Variants in RAD51B observed in about 807,000 individuals in gnomAD.
The protein encoded by RAD51B is DNA repair protein RAD51 homolog 2.
A neutral mutation model predicts 42.2 loss-of-function variants in RAD51B; 38 were observed. The observed-to-expected ratio is 0.90, with a 90% CI of 0.70 to 1.18. The LOEUF is 1.18. RAD51B is among the 50% of genes most tolerant of loss of function. The probability of loss-of-function intolerance (pLI) is 0.00; values close to 1 mark genes in which losing one functional copy is unlikely to be tolerated. For missense variants in RAD51B, 373 were observed against 400.7 expected, an observed-to-expected ratio of 0.93 and a Z score of 0.59; for synonymous variants, 154 against 145.2, an observed-to-expected ratio of 1.06 and a Z score of -0.43.
At chr14:68,084,584 G>A (rs1174517315) in intron 7 of RAD51B, among the ~76,000 whole-genome samples, 1 of 152,170 alleles carries the variant, frequency 6.6e-6, no homozygotes, top group African/African-American at 2.4e-5. Flanking sequence ...TCATCAGTCT[G>A]ATGCACTTCC....
intron 8 of RAD51B, among the ~76,000 whole-genome samples, chr14:68,346,161 T>C (rs1007473234): frequency 6.6e-6 from 1 of 152,246 alleles, no homozygotes; most frequent in African/African-American, 2.4e-5. Flanking sequence ...ATCCCATCTT[T>C]TTCCAAAACA....
At chr14:68,659,420 C>T (rs763696594) in intron 11 of RAD51B, among the ~76,000 whole-genome samples, 12 of 152,114 alleles carry the variant, frequency 7.9e-5, no homozygotes, top group Admixed American at 6.5e-4. Context: ...CATTTACTCT[C>T]GCAGATGTTT....
At chr14:68,235,188 T>G (rs547378181) in intron 7 of RAD51B, among the ~76,000 whole-genome samples, 5 of 152,090 alleles carry the variant, frequency 3.3e-5, no homozygotes, top group East Asian at 1.9e-4. Context: ...ATACAGTAGG[T>G]TTGTTTACAC....
At chr14:68,399,259 G>GTTTTTTTTT (rs397719053) in intron 8 of RAD51B, among the ~76,000 whole-genome samples, 1 of 136,026 alleles carries the variant, frequency 7.4e-6, no homozygotes, top group African/African-American at 2.7e-5. Flanking sequence ...TTTTTTTTGT[G>GTTTTTTTTT]TTTTTTTTTT....
At chr14:68,246,653 G>A (rs1032783161) in intron 7 of RAD51B, among the ~76,000 whole-genome samples, 9 of 152,136 alleles carry the variant, frequency 5.9e-5, no homozygotes, top group Non-Finnish European at 1.3e-4. Flanking sequence ...TTGGTCTCAC[G>A]TTCACATCAT....
intron 10 of RAD51B, among the ~76,000 whole-genome samples, chr14:68,547,868 G>A (rs963477011): frequency 6.6e-6 from 1 of 152,208 alleles, no homozygotes; most frequent in African/African-American, 2.4e-5. Flanking sequence ...TAGGAATGAA[G>A]TCACTGGTCT....
intron 10 of RAD51B, among the ~76,000 whole-genome samples, chr14:68,509,868 G>A (rs534633641): frequency 3.9e-5 from 6 of 152,354 alleles, no homozygotes; most frequent in Admixed American, 1.3e-4. Flanking sequence ...TGACCAGTCG[G>A]CCATGGTTTG....
At chr14:68,368,757 C>G (rs917028810) in intron 8 of RAD51B, among the ~76,000 whole-genome samples, 1 of 152,132 alleles carries the variant, frequency 6.6e-6, no homozygotes, top group African/African-American at 2.4e-5. Flanking sequence ...GACAGCCATA[C>G]CTACTTCCCA....
At chr14:68,048,634 A>T (rs993589085) in intron 7 of RAD51B, among the ~76,000 whole-genome samples, 2 of 152,248 alleles carry the variant, frequency 1.3e-5, no homozygotes, top group Admixed American at 6.5e-5. Flanking sequence ...CAATCAGAGA[A>T]ATGCAAATCA....
chr14:68,456,652 C>T (rs142185982), intron 9 of RAD51B, among the ~76,000 whole-genome samples: 25 of 152,172 alleles, frequency 1.6e-4, no homozygotes, highest in South Asian at 1.5e-3. Flanking sequence ...TTCAATACCC[C>T]ACTTTCAATA....
intron 10 of RAD51B, among the ~76,000 whole-genome samples, chr14:68,474,166 T>C (rs1566904542): frequency 6.6e-6 from 1 of 152,114 alleles, no homozygotes; most frequent in African/African-American, 2.4e-5. Context: ...TGCTTCTTGA[T>C]GTTTAGGTAT....
intron 10 of RAD51B, among the ~76,000 whole-genome samples, chr14:68,542,532 G>T (rs2140369880): frequency 6.6e-6 from 1 of 152,214 alleles, no homozygotes; most frequent in South Asian, 2.1e-4. Context: ...AAGCCCCAGG[G>T]GAGTGAGGAC....
At chr14:68,465,448 T>C (rs145151735) in intron 9 of RAD51B, among the ~76,000 whole-genome samples, 223 of 152,314 alleles carry the variant, frequency 1.5e-3, no homozygotes, top group Admixed American at 2.5e-3. Flanking sequence ...CTACTCAAAA[T>C]GTAGTCTATG....
At chr14:68,235,531 C>T (rs1339488132) in intron 7 of RAD51B, among the ~76,000 whole-genome samples, 2 of 150,662 alleles carry the variant, frequency 1.3e-5, no homozygotes, top group Non-Finnish European at 3.0e-5. Context: ...GGTGAAACCC[C>T]GTCTCTACTA....
chr14:68,380,226 A>G (rs147846711), intron 8 of RAD51B, among the ~76,000 whole-genome samples: 3 of 152,306 alleles, frequency 2.0e-5, no homozygotes, highest in African/African-American at 7.2e-5. Context: ...TGAGGAGCTT[A>G]CTTTTCCTCC....
At chr14:67,865,641 C>T (rs1294124346) in intron 5 of RAD51B, among the ~76,000 whole-genome samples, 4 of 149,050 alleles carry the variant, frequency 2.7e-5, no homozygotes, top group South Asian at 2.1e-4. Context: ...CGGGTTCAAG[C>T]GATTCTCCTG....
At chr14:68,537,769 G>GT (rs141990631) in intron 10 of RAD51B, among the ~76,000 whole-genome samples, 14 of 151,274 alleles carry the variant, frequency 9.3e-5, no homozygotes, top group African/African-American at 2.7e-4. Context: ...GTCTATGGCA[G>GT]TTTTTTTTTC....
At chr14:68,373,669 G>C (rs1048410574) in intron 8 of RAD51B, among the ~76,000 whole-genome samples, 1 of 152,164 alleles carries the variant, frequency 6.6e-6, no homozygotes, top group African/African-American at 2.4e-5. Context: ...CCTAATTCAT[G>C]CAGGGCTTAA....
chr14:68,663,504 T>TC (rs984907106), intron 11 of RAD51B, among the ~76,000 whole-genome samples: 1 of 151,940 alleles, frequency 6.6e-6, no homozygotes, highest in Non-Finnish European at 1.5e-5. Context: ...CCCTTCAGGC[T>TC]CCCCCCGCTG....
Sources: allele counts gnomAD v4.1 joint callset (sites outside exome capture counted in the v4.1 genomes callset), GRCh38; gene constraint gnomAD v4.1.1; transcripts MANE v1.5; gene names NCBI Gene and HGNC (gene_info 2026-07-23, HGNC 2026-07-21).